The following INTS6 variants were observed in gnomAD, a reference collection of about 807,000 sequenced individuals.
The protein encoded by INTS6 is DEAD box protein.
INTS6 carries 16 observed loss-of-function variants against 104.9 expected under a neutral mutation model. That is an observed-to-expected ratio of 0.15 (90% CI 0.10 to 0.23). INTS6 has a LOEUF of 0.23. Ranked by LOEUF, INTS6 falls within the 10% of genes least tolerant of loss-of-function variation. INTS6 has a pLI of 1.00. For synonymous variants in INTS6, 324 were observed against 358.7 expected (o/e 0.90, Z 1.09); for missense variants, 584 against 1,062.8 (o/e 0.55, Z 6.26).
At chr13:51,383,807 A>AT in intron 7 of INTS6, 66 bp from the exon 8 acceptor site, 1 of 1,358,752 alleles carries the variant, frequency 7.4e-7, no homozygotes, top group Non-Finnish European at 1.0e-6. Flanking sequence ...AATATTCCTC[A>AT]TTATCAAAAT....
chr13:51,365,738 C>CA lies in INTS6; in HGVS notation c.*13dup. 1 of 1,388,624 alleles carries CA rather than the reference C, an allele frequency of 7.2e-7. No homozygotes were observed. The highest frequency in any genetic ancestry group is 1.3e-5 in the South Asian group (1 of 78,810). The allele number at this position is 1,388,624 out of a possible 1,614,324, so 86.0% of individuals were successfully genotyped here. Reference sequence around the variant, plus strand: ...AAGAAGATAGTGAAATAAGTGGCCACATTCTATTTTCTTTTAATTGCTATT... The same window carrying CA: ...AAGAAGATAGTGAAATAAGTGGCCACAATTCTATTTTCTTTTAATTGCTATT... On this transcript the variant is annotated 3_prime_UTR_variant, in exon 18 of 18. Transcript: ENST00000311234.
At position 51,387,511 on chromosome 13, in the gene INTS6, CA is replaced by C; in HGVS notation, c.768del (p.Phe256LeufsTer25). The C allele has an allele frequency of 6.2e-7, 1 of 1,612,484 alleles. No individual in the cohort carries two copies. The highest frequency in any genetic ancestry group is 8.5e-7 in the Non-Finnish European group (1 of 1,179,122). On this transcript the variant is annotated frameshift_variant, in exon 7 of 18. Transcript: ENST00000311234. LOFTEE classifies it high-confidence loss of function. ...TGACAGCTATGCCAAGGCTGAGATC[CA>C]AAAGGCCTTGATATATCTGGCTGCC... The part of the protein sequence containing the change: ...EDGQPDISRP[F>X]GSQPWHSCHK...
the INTS6 span, chr13:51,344,221 T>C: frequency 6.4e-7 from 1 of 1,557,066 alleles, no homozygotes; most frequent in African/African-American, 1.4e-5. Context: ...ACACTCACCA[T>C]TGTCAACTTA....
chr13:51,452,995 C>A lies in INTS6; in HGVS notation c.-470G>T. Reference sequence around the variant, plus strand: ...AGTTTCAGGGACTCCCTCCGCACCCCGGCGGTGTCACCACTTTCTCAGCCC... The same window carrying A: ...AGTTTCAGGGACTCCCTCCGCACCCAGGCGGTGTCACCACTTTCTCAGCCC... On this transcript the variant is annotated 5_prime_UTR_variant, in exon 1 of 18. Coordinates refer to ENST00000311234, the MANE Select transcript of INTS6 (RefSeq NM_012141.3). This position sits in a 1 kb window ranked among gnomAD's most constrained non-coding sequence, Gnocchi z 4.2. The A allele has an allele frequency of 1.0e-6, 1 of 1,003,052 alleles. No individual in the cohort carries two copies. The highest frequency in any genetic ancestry group is 3.9e-5 in the South Asian group (1 of 25,798). 62.1% of individuals were successfully genotyped at this position (1,003,052 alleles called of 1,614,324 possible). A position where few individuals can be genotyped will look rare whatever the true frequency, so the allele number is the denominator to read the frequency against.
At chr13:51,401,868 T>A (rs1052805217) in intron 4 of INTS6, among the ~76,000 whole-genome samples, 1 of 152,110 alleles carries the variant, frequency 6.6e-6, no homozygotes, top group East Asian at 1.9e-4. Flanking sequence ...ATCTGCATTT[T>A]TAAAAAATCA....
At chr13:51,415,004 T>C (rs1204421389) in intron 4 of INTS6, among the ~76,000 whole-genome samples, 1 of 152,078 alleles carries the variant, frequency 6.6e-6, no homozygotes, top group African/African-American at 2.4e-5. Flanking sequence ...CAAACTGAAA[T>C]GATGCAGTGG....
rs1301230227 is a variant in INTS6 at position 51,361,846 on chromosome 13, T to C, written c.*3906A>G. Reference sequence around the variant, plus strand: ...TTGAAAAGGTCTCGGATTCCTATTTTTAAAGCAGATCGGCCATTCATCTAT... The same window carrying C: ...TTGAAAAGGTCTCGGATTCCTATTTCTAAAGCAGATCGGCCATTCATCTAT... On this transcript the variant is annotated 3_prime_UTR_variant, in exon 18 of 18. Coordinates refer to ENST00000311234, the MANE Select transcript of INTS6 (RefSeq NM_012141.3). 1 of 1,611,242 alleles carries C rather than the reference T, an allele frequency of 6.2e-7. No individual in the cohort carries two copies. Among genetic ancestry groups the C allele is most frequent in the Non-Finnish European group, 8.5e-7 (1 of 1,178,556 alleles).
intron 4 of INTS6, among the ~76,000 whole-genome samples, chr13:51,412,386 G>C (rs1018405044): frequency 1.3e-5 from 2 of 152,108 alleles, no homozygotes; most frequent in African/African-American, 4.8e-5. Flanking sequence ...AACAAGAAAA[G>C]GTTCTAGAAT....
At chr13:51,338,613 C>T in the INTS6 span, among the ~76,000 whole-genome samples, 11 of 152,132 alleles carry the variant, frequency 7.2e-5, no homozygotes, top group Admixed American at 1.3e-4. Context: ...ATAAGTTAAA[C>T]CTGTTTATTC....
intron 4 of INTS6, among the ~76,000 whole-genome samples, chr13:51,415,036 C>A (rs1018543783): frequency 7.9e-5 from 12 of 152,048 alleles, no homozygotes; most frequent in Non-Finnish European, 8.8e-5. Context: ...CTAAACAGAT[C>A]TGCCTATCCT....
At chr13:51,371,633 G>T (rs2137873870) in intron 15 of INTS6, among the ~76,000 whole-genome samples, 1 of 152,042 alleles carries the variant, frequency 6.6e-6, no homozygotes, top group South Asian at 2.1e-4. Context: ...CTACAGAGTG[G>T]TCACAATCAC....
intron 6 of INTS6, among the ~76,000 whole-genome samples, chr13:51,388,646 G>A (rs1244160201): frequency 6.6e-6 from 1 of 152,152 alleles, no homozygotes; most frequent in Non-Finnish European, 1.5e-5. Context: ...ACCCACCTTG[G>A]CCTCCCAAAG....
chr13:51,367,959 ATTC>A (rs1282134018), intron 16 of INTS6, 61 bp from the exon 17 acceptor site: 36 of 899,794 alleles, frequency 4.0e-5, no homozygotes, highest in Admixed American at 1.5e-4. Flanking sequence ...CTTATTCAAT[ATTC>A]TTCTTTTGCA....
chr13:51,403,333 CA>C (rs1284248680), intron 4 of INTS6, among the ~76,000 whole-genome samples: 5 of 152,072 alleles, frequency 3.3e-5, no homozygotes, highest in African/African-American at 1.2e-4. Context: ...CCTGTAATCC[CA>C]GCACTTTGGG....
chr13:51,446,997 T>TA (rs1447500606), intron 3 of INTS6: 2 of 152,262 alleles, frequency 1.3e-5, no homozygotes, highest in Non-Finnish European at 2.9e-5. Flanking sequence ...ACTGCACACT[T>TA]AAAGATGGTT....
At position 51,452,771 on chromosome 13, in the gene INTS6, G is replaced by A. The variant is rs1953093167; in HGVS notation, c.-246C>T. The A allele has an allele frequency of 5.7e-6, 7 of 1,218,162 alleles. No individual in the cohort carries two copies. The highest frequency in any genetic ancestry group is 5.1e-6 in the Non-Finnish European group (5 of 972,342). The allele number at this position is 1,218,162 out of a possible 1,614,324, so 75.5% of individuals were successfully genotyped here. A position where few individuals can be genotyped will look rare whatever the true frequency, so the allele number is the denominator to read the frequency against. On this transcript the variant is annotated 5_prime_UTR_variant, in exon 1 of 18. Coordinates refer to ENST00000311234, the MANE Select transcript of INTS6 (RefSeq NM_012141.3). This position sits in a 1 kb window ranked among gnomAD's most constrained non-coding sequence, Gnocchi z 4.2. ...GCCTCCTCCTGCCTGCCTGCCCGCT[G>A]GGGCGGGCGCCCAGCCGTCTGTCTG...
At chr13:51,386,074 C>T (rs930643217) in intron 7 of INTS6, among the ~76,000 whole-genome samples, 3 of 152,164 alleles carry the variant, frequency 2.0e-5, no homozygotes, top group Admixed American at 6.6e-5. Flanking sequence ...ATGATCCACC[C>T]GTACTCAGCT....
At chr13:51,404,867 A>T (rs1956531060) in intron 4 of INTS6, among the ~76,000 whole-genome samples, 1 of 152,218 alleles carries the variant, frequency 6.6e-6, no homozygotes, top group Non-Finnish European at 1.5e-5. Flanking sequence ...AAAAAAAATT[A>T]AAATAGGGAT....
chr13:51,372,983 T>C (rs1447239498), intron 15 of INTS6, among the ~76,000 whole-genome samples: 1 of 152,224 alleles, frequency 6.6e-6, no homozygotes, highest in Non-Finnish European at 1.5e-5. Flanking sequence ...AACTGGCTTA[T>C]ATATCTCTTA....
Sources: gnomAD v4.1 joint callset for allele counts (sites outside exome capture counted in the v4.1 genomes callset) on GRCh38, gnomAD v4.1.1 for gene constraint, Gnocchi (gnomAD v3.1) non-coding constraint, MANE v1.5 for transcripts, NCBI Gene and HGNC (gene_info 2026-07-23, HGNC 2026-07-21) for gene names.